Variants in STXBP4 observed in about 807,000 individuals in gnomAD.
The protein encoded by STXBP4 is syntaxin binding protein 4, also known as syntaxin-binding protein 4.
In STXBP4, 55 loss-of-function variants were observed where a neutral mutation model predicts 76.1. The ratio of observed to expected loss-of-function variants is 0.72; its 90% CI spans 0.58 to 0.91. The LOEUF is 0.91. STXBP4 is among the 40% of genes least tolerant of loss of function. STXBP4 has a pLI of 0.00. For synonymous variants in STXBP4, 201 were observed against 220.2 expected (o/e 0.91, Z 0.77); for missense variants, 618 against 636.9 (o/e 0.97, Z 0.32).
the STXBP4 span, among the ~76,000 whole-genome samples, chr17:55,191,627 C>G: frequency 6.6e-6 from 1 of 152,170 alleles, no homozygotes; most frequent in Non-Finnish European, 1.5e-5. Context: ...GCATCTACCT[C>G]AGTCTCTGAC....
chr17:55,078,788 A>T, intron 15 of STXBP4, 53 bp downstream of exon 15: 1 of 999,812 alleles, frequency 1.0e-6, no homozygotes, highest in Non-Finnish European at 1.6e-6. Flanking sequence ...TAAATTCTTC[A>T]TCTGGTCATT....
intron 8 of STXBP4, among the ~76,000 whole-genome samples, chr17:55,012,275 G>C (rs755102484): frequency 5.3e-5 from 8 of 152,136 alleles, no homozygotes; most frequent in Non-Finnish European, 1.2e-4. Flanking sequence ...GGAGGAAACT[G>C]TGTCCTCATG....
the STXBP4 span, among the ~76,000 whole-genome samples, chr17:55,183,412 C>G: frequency 6.6e-6 from 1 of 151,928 alleles, no homozygotes; most frequent in South Asian, 2.1e-4. Flanking sequence ...ACAGCAAGAC[C>G]CAGTCTCTAT....
chr17:55,010,285 T>A (rs2078086153), intron 8 of STXBP4, among the ~76,000 whole-genome samples: 1 of 152,014 alleles, frequency 6.6e-6, no homozygotes, highest in African/African-American at 2.4e-5. Context: ...AACATATATA[T>A]GTTCAGACAT....
At chr17:55,105,043 A>G (rs1165707234) in intron 16 of STXBP4, among the ~76,000 whole-genome samples, 3 of 151,992 alleles carry the variant, frequency 2.0e-5, no homozygotes, top group Non-Finnish European at 4.4e-5. Flanking sequence ...CTAGTGGTCT[A>G]TCTATTTTGT....
intron 12 of STXBP4, among the ~76,000 whole-genome samples, chr17:55,062,292 A>C (rs1477134222): frequency 1.3e-5 from 2 of 151,802 alleles, no homozygotes; most frequent in Non-Finnish European, 2.9e-5. Flanking sequence ...TTCTGTGTCC[A>C]TGTGTTCTCA....
At chr17:54,980,019 G>C (rs935012495) in intron 1 of STXBP4, among the ~76,000 whole-genome samples, 2 of 141,134 alleles carry the variant, frequency 1.4e-5, no homozygotes, top group African/African-American at 5.4e-5. Flanking sequence ...TTATTTGTTT[G>C]TGACAGGTGT....
chr17:55,052,535 G>C (rs148524131), intron 12 of STXBP4, among the ~76,000 whole-genome samples: 2,420 of 152,130 alleles, frequency 0.016, 47 homozygotes, highest in Non-Finnish European at 0.022. Flanking sequence ...TTTTAATAAA[G>C]ACTTGATCAG....
chr17:55,174,981 G>A (rs1033106944), downstream of STXBP4, among the ~76,000 whole-genome samples: 2 of 151,880 alleles, frequency 1.3e-5, no homozygotes, highest in Admixed American at 6.6e-5. Flanking sequence ...CCAAGATAGC[G>A]CCACTGCACT....
intron 10 of STXBP4, among the ~76,000 whole-genome samples, chr17:55,035,639 ATAAT>A (rs2078587980): frequency 6.6e-6 from 1 of 151,920 alleles, no homozygotes; most frequent in African/African-American, 2.4e-5. Context: ...TTATTGGTAC[ATAAT>A]TAATAAAATT....
At chr17:55,124,297 A>G (rs1015806232) in intron 16 of STXBP4, among the ~76,000 whole-genome samples, 1 of 152,224 alleles carries the variant, frequency 6.6e-6, no homozygotes, top group African/African-American at 2.4e-5. Flanking sequence ...TAGTCTGCAA[A>G]TAAAAGATAT....
intron 10 of STXBP4, 106 bp from the exon 11 acceptor site, chr17:55,043,130 G>A (rs893191818): frequency 1.9e-5 from 9 of 466,932 alleles, no homozygotes; most frequent in Non-Finnish European, 3.2e-5. Context: ...ACTGAATTTT[G>A]TTATTAGAAT....
Position 55,170,403 on chromosome 17 carries a change from C to T in STXBP4, c.*10492C>T, listed in dbSNP as rs568411107. 2.0e-5 allele frequency: 3 copies of T among 151,744 alleles called. No individual in the cohort carries two copies. The South Asian group carries it at 6.3e-4, about 32-fold the overall frequency. 9.4% of individuals were successfully genotyped at this position (151,744 alleles called of 1,614,324 possible). ...AGATCTGTATACAATATAAAACCAA[C>T]AGTATTGTATATATAAACACCATAG... is the stretch of plus-strand genomic sequence containing the variant. On this transcript the variant is annotated 3_prime_UTR_variant, in exon 18 of 18. Coordinates refer to ENST00000376352, the MANE Select transcript of STXBP4 (RefSeq NM_178509.6).
intron 16 of STXBP4, among the ~76,000 whole-genome samples, chr17:55,089,421 T>C (rs2079381505): frequency 6.6e-6 from 1 of 152,218 alleles, no homozygotes; most frequent in African/African-American, 2.4e-5. Context: ...AATGTAATTG[T>C]CACCGGAAAC....
chr17:55,200,532 T>A, the STXBP4 span, among the ~76,000 whole-genome samples: 1 of 152,216 alleles, frequency 6.6e-6, no homozygotes, highest in African/African-American at 2.4e-5. Flanking sequence ...GAGAAAAAAG[T>A]AAATTCAGAG....
intron 16 of STXBP4, among the ~76,000 whole-genome samples, chr17:55,104,603 C>A (rs945232651): frequency 1.3e-5 from 2 of 152,046 alleles, no homozygotes; most frequent in Admixed American, 1.3e-4. Flanking sequence ...GTTGTTGTGT[C>A]TTTGCCAGGT....
intron 12 of STXBP4, among the ~76,000 whole-genome samples, chr17:55,057,807 G>A (rs2078947866): frequency 6.6e-6 from 1 of 152,076 alleles, no homozygotes; most frequent in Non-Finnish European, 1.5e-5. Context: ...TGCAGTATTT[G>A]GTTTTCTGTT....
Position 54,968,783 on chromosome 17 carries a change from T to C in STXBP4, c.-189T>C. Reference sequence around the variant, plus strand: ...GCTCCTCAGGTGGCAGCGCTTGCAGTCGGGCTACGGAGGCCGGGTTGCCAG... The same window carrying C: ...GCTCCTCAGGTGGCAGCGCTTGCAGCCGGGCTACGGAGGCCGGGTTGCCAG... On this transcript the variant is annotated 5_prime_UTR_variant, in exon 1 of 18. Coordinates refer to ENST00000376352, the MANE Select transcript of STXBP4 (RefSeq NM_178509.6). 9.7e-7 allele frequency: 1 copy of C among 1,028,466 alleles called. No homozygotes were observed. Among genetic ancestry groups the C allele is most frequent in the Non-Finnish European group, 1.4e-6 (1 of 707,650 alleles). 63.7% of individuals were successfully genotyped at this position (1,028,466 alleles called of 1,614,324 possible).
Position 55,168,831 on chromosome 17 carries a change from A to G in STXBP4, c.*8920A>G, listed in dbSNP as rs1274078288. ...ATTTTTTTCCCTGTCTTAGACATCCATTCTACAACTCTGATGCTGGCACAT... is the reference window on the plus strand; with the variant it reads ...ATTTTTTTCCCTGTCTTAGACATCCGTTCTACAACTCTGATGCTGGCACAT... On this transcript the variant is annotated 3_prime_UTR_variant, in exon 18 of 18. Transcript: ENST00000376352. The G allele has an allele frequency of 6.6e-6, 1 of 152,200 alleles. No individual in the cohort carries two copies. The highest frequency in any genetic ancestry group is 1.5e-5 in the Non-Finnish European group (1 of 68,038). The allele number at this position is 152,200 out of a possible 1,614,324, so 9.4% of individuals were successfully genotyped here. A position where few individuals can be genotyped will look rare whatever the true frequency, so the allele number is the denominator to read the frequency against.
Sources: gnomAD v4.1 joint callset for allele counts (sites outside exome capture counted in the v4.1 genomes callset) on GRCh38, gnomAD v4.1.1 for gene constraint, MANE v1.5 for transcripts, NCBI Gene and HGNC (gene_info 2026-07-23, HGNC 2026-07-21) for gene names.